MACF1: variants seen among roughly 807,000 people sequenced by gnomAD.
The protein encoded by MACF1 is microtubule-actin cross-linking factor 1.
MACF1 carries 193 observed loss-of-function variants against 854.8 expected under a neutral mutation model. That is an observed-to-expected ratio of 0.23 (90% CI 0.20 to 0.25). MACF1 has a LOEUF of 0.25. Among genes scored for constraint, MACF1 ranks in the 10% least tolerant of loss-of-function variants. The pLI, the probability that MACF1 is intolerant of heterozygous loss-of-function variation, is 1.00. For synonymous variants in MACF1, 3,185 were observed against 3,226.7 expected (o/e 0.99, Z 0.44); for missense variants, 7,722 against 8,929.1 (o/e 0.86, Z 5.45).
chr1:39,358,562 C>T (rs1647796528), intron 45 of MACF1, 135 bp from the exon 46 acceptor site: 1 of 747,034 alleles, frequency 1.3e-6, no homozygotes, highest in East Asian at 2.5e-5. Context: ...ACCCATCTAT[C>T]CATGGGTTCT....
intron 2 of MACF1, among the ~76,000 whole-genome samples, chr1:39,087,009 C>T (rs1349277902): frequency 2.6e-5 from 4 of 152,132 alleles, no homozygotes; most frequent in South Asian, 2.1e-4. Context: ...GGCGGGACTG[C>T]GACTTTAGGG....
At chr1:39,144,212 T>A (rs1173090816) in intron 2 of MACF1, among the ~76,000 whole-genome samples, 1 of 151,490 alleles carries the variant, frequency 6.6e-6, no homozygotes, top group East Asian at 1.9e-4. Context: ...TCCCAAGTAG[T>A]TGGGATTACA....
intron 2 of MACF1, among the ~76,000 whole-genome samples, chr1:39,147,316 TC>T (rs974739611): frequency 1.3e-5 from 2 of 151,072 alleles, no homozygotes; most frequent in African/African-American, 4.9e-5. Context: ...TCCTCTTTTT[TC>T]CTTCCTTCCT....
chr1:39,442,204 G>A lies in MACF1; in HGVS notation c.18832G>A (p.Gly6278Ser), dbSNP rs1644133834. Residue 6278 changes from glycine (G) to serine (S), a missense_variant, in exon 76 of 101, where the codon GGT (glycine) becomes AGT (serine). Coordinates refer to ENST00000564288, the MANE Select transcript of MACF1 (RefSeq NM_001394062.1). ...QIEMEKLNHQ[G>S]ELMLKKATDE... ...TGAGATGGAGAAGCTTAATCACCAG[G>A]GTGAACTGATGTTAAAGAAAGCTAC... is the stretch of plus-strand genomic sequence containing the variant. The A allele has an allele frequency of 6.2e-7, 1 of 1,606,682 alleles. No individual in the cohort carries two copies. Among genetic ancestry groups the A allele is most frequent in the Non-Finnish European group, 8.5e-7 (1 of 1,177,834 alleles).
intron 26 of MACF1, among the ~76,000 whole-genome samples, chr1:39,313,517 C>G (rs190126283): frequency 2.0e-4 from 31 of 152,218 alleles, no homozygotes; most frequent in Non-Finnish European, 2.9e-4. Flanking sequence ...GGCCTTCTTT[C>G]CTTTTCTGTA....
Position 39,332,421 on chromosome 1 carries a change from G to A in MACF1, c.5833G>A (p.Val1945Ile). 6.2e-7 allele frequency: 1 copy of A among 1,614,010 alleles called. No homozygotes were observed. Among genetic ancestry groups the A allele is most frequent in the Non-Finnish European group, 8.5e-7 (1 of 1,180,008 alleles). ...AEQNINPGAA[V>I]LPCSKSHPKA... Reference sequence around the variant, plus strand: ...ACAAAATATTAATCCTGGAGCAGCAGTTCTACCGTGCAGCAAGAGCCACCC... The same window carrying A: ...ACAAAATATTAATCCTGGAGCAGCAATTCTACCGTGCAGCAAGAGCCACCC... The change falls in exon 37 of 101, where the codon GTT becomes ATT. Residue 1945 changes from valine to isoleucine, a missense_variant. Val to Ile is a conservative substitution (Grantham distance 29). Around this residue, in one of 15 missense-constraint regions of MACF1, gnomAD observed 1,531 missense variants for 1,601.6 expected, o/e 0.96. Transcript: ENST00000564288.
intron 43 of MACF1, among the ~76,000 whole-genome samples, chr1:39,352,184 AT>A (rs954033463): frequency 6.6e-6 from 1 of 152,240 alleles, no homozygotes. Context: ...TTTGAAATAG[AT>A]TAATATATAA....
Position 39,296,730 on chromosome 1 carries a change from A to G in MACF1, c.2355+848A>G, listed in dbSNP as rs1176192077. 1.8e-4 allele frequency among the ~76,000 whole-genome samples: 16 copies of G among 87,100 alleles called. No homozygotes were observed. In the East Asian group the frequency reaches 2.9e-3, roughly 16 times the overall value. The allele number at this position is 87,100 out of a possible 152,430, so 57.1% of individuals were successfully genotyped here. ...GGGCAACAGAGCAAGTGTCTAAATAAAAAGAAAGAAAGAAAGAAAGAAAGG... is the reference window on the plus strand; with the variant it reads ...GGGCAACAGAGCAAGTGTCTAAATAGAAAGAAAGAAAGAAAGAAAGAAAGG... On this transcript the variant is annotated intron_variant, in intron 20 of 100. Coordinates refer to ENST00000564288, the MANE Select transcript of MACF1 (RefSeq NM_001394062.1).
At chr1:39,270,638 A>C (rs1645297827) in intron 6 of MACF1, among the ~76,000 whole-genome samples, 1 of 152,160 alleles carries the variant, frequency 6.6e-6, no homozygotes, top group African/African-American at 2.4e-5. Context: ...CCAATGGCTA[A>C]AGAACTTTTA....
chr1:39,480,242 C>G (rs1231040142), intron 98 of MACF1: 1 of 497,920 alleles, frequency 2.0e-6, no homozygotes, highest in Non-Finnish European at 3.6e-6. Flanking sequence ...AAAATATGCA[C>G]TCAGCCTGGT....
In MACF1 at chr1:39,316,444, T is replaced by G; in HGVS notation, c.3503T>G (p.Val1168Gly). ...AGCATACAGGATGCTGAACTCTTGG[T>G]CAAAGGTTATGAGATTAAGCTGAGT... ...VRSIQDAELL[V>G]KGYEIKLSQE... Residue 1168 changes from valine to glycine, a missense_variant, in exon 28 of 101, where the codon GTC (valine) becomes GGC (glycine). This residue lies in a region of MACF1 where 1,137 missense variants were observed against 1,263.0 expected (regional missense o/e 0.90). Transcript: ENST00000564288. The G allele has an allele frequency of 6.2e-7, 1 of 1,614,036 alleles. No individual in the cohort carries two copies. Among genetic ancestry groups the G allele is most frequent in the Non-Finnish European group, 8.5e-7 (1 of 1,179,900 alleles).
chr1:39,413,017 G>T (rs987442764), intron 58 of MACF1: 38 of 1,583,666 alleles, frequency 2.4e-5, no homozygotes, highest in Non-Finnish European at 2.9e-5. Context: ...ATCTGTCCCT[G>T]AAGGGACTGC....
At position 39,349,627 on chromosome 1, in the gene MACF1, G is replaced by A; in HGVS notation, c.10965G>A (p.Lys3655=). The A allele has an allele frequency of 1.2e-6, 2 of 1,613,776 alleles. No homozygotes were observed. Among genetic ancestry groups the A allele is most frequent in the African/African-American group, 1.3e-5 (1 of 75,040 alleles). Residue 3655 remains lysine, a splice_region_variant and synonymous_variant, in exon 42 of 101, where the codon AAG becomes AAA. Transcript: ENST00000564288. ...TGCAGAAGAACCAAAGTGACTTGAA[G>A]GTCAGTGTGAATCTGTCAATTTTGA... ...SALQKNQSDL[K]DLQDDIQNRA...
chr1:39,264,290 A>G (rs1224015605), intron 6 of MACF1, among the ~76,000 whole-genome samples: 1 of 152,172 alleles, frequency 6.6e-6, no homozygotes, highest in Non-Finnish European at 1.5e-5. Context: ...CAGTTTGCCT[A>G]TATTTTGCCA....
At chr1:39,194,022 G>A (rs1644287086) in intron 2 of MACF1, among the ~76,000 whole-genome samples, 2 of 151,906 alleles carry the variant, frequency 1.3e-5, no homozygotes, top group African/African-American at 2.4e-5. Flanking sequence ...TAATAGAGAT[G>A]GGGTTTCACC....
intron 2 of MACF1, among the ~76,000 whole-genome samples, chr1:39,187,552 T>G (rs1436484971): frequency 6.6e-6 from 1 of 152,202 alleles, no homozygotes; most frequent in Non-Finnish European, 1.5e-5. Flanking sequence ...ACTCCATTTT[T>G]TCATTGTGGT....
At chr1:39,468,783 TG>T in intron 96 of MACF1, 51 bp downstream of exon 96, 2 of 1,466,092 alleles carry the variant, frequency 1.4e-6, no homozygotes, top group Non-Finnish European at 1.9e-6. Flanking sequence ...CCCCCAGCAG[TG>T]ATCTTTTATG....
At chr1:39,373,789 G>A (rs1323204115) in intron 52 of MACF1, among the ~76,000 whole-genome samples, 1 of 150,780 alleles carries the variant, frequency 6.6e-6, no homozygotes, top group African/African-American at 2.4e-5. Context: ...GGAGGCAGAG[G>A]TTGCAGTGAG....
At chr1:39,186,216 G>GTA (rs1557505278) in intron 2 of MACF1, among the ~76,000 whole-genome samples, 69 of 91,186 alleles carry the variant, frequency 7.6e-4, no homozygotes, top group African/African-American at 3.8e-3. Context: ...CTCTCTCTCT[G>GTA]TGTGTGTGTG....
Sources: gnomAD v4.1 joint callset for allele counts (sites outside exome capture counted in the v4.1 genomes callset) on GRCh38, gnomAD v4.1.1 for gene constraint, gnomAD v4.1.1 regional missense constraint, MANE v1.5 for transcripts, NCBI Gene and HGNC (gene_info 2026-07-23, HGNC 2026-07-21) for gene names.